Variants in ZNF623 observed in about 807,000 individuals in gnomAD.
ZNF623 encodes zinc finger protein 623.
In ZNF623, 16 loss-of-function variants were observed where a neutral mutation model predicts 24.0. That is an observed-to-expected ratio of 0.67 (90% confidence interval 0.45 to 1.01). ZNF623 has a LOEUF of 1.01. Among genes scored for constraint, ZNF623 ranks in the 50% least tolerant of loss-of-function variants. The pLI, the probability that ZNF623 is intolerant of heterozygous loss-of-function variation, is 0.00. For synonymous variants in ZNF623, 224 were observed against 219.8 expected (o/e 1.02, Z -0.17); for missense variants, 566 against 606.5 (o/e 0.93, Z 0.70).
rs887381991 is a variant in ZNF623 at position 143,652,168 on chromosome 8, G to T, written c.*685G>T. 2.4e-5 allele frequency: 4 copies of T among 167,252 alleles called. No homozygotes were observed. Among genetic ancestry groups the T allele is most frequent in the Non-Finnish European group, 4.4e-5 (3 of 68,146 alleles). 10.4% of individuals were successfully genotyped at this position (167,252 alleles called of 1,614,324 possible). A position where few individuals can be genotyped will look rare whatever the true frequency, so the allele number is the denominator to read the frequency against. On this transcript the variant is annotated 3_prime_UTR_variant, in exon 2 of 2. Transcript: ENST00000526926. ...CAAGCCTCAGGCATCATGTCAATGG[G>T]TGTTTCCCTCAAGCTTAGTTGGCAG...
chr8:143,640,058 C>G (rs941558656), intron 1 of ZNF623, among the ~76,000 whole-genome samples: 1 of 152,194 alleles, frequency 6.6e-6, no homozygotes, highest in Non-Finnish European at 1.5e-5. Flanking sequence ...TCCAGTGGAC[C>G]TTTCATCCCA....
intron 1 of ZNF623, among the ~76,000 whole-genome samples, chr8:143,644,978 A>C (rs1402129542): frequency 6.6e-6 from 1 of 150,572 alleles, no homozygotes; most frequent in Admixed American, 6.6e-5. Context: ...AAAATACAAA[A>C]TTAGCTGGGT....
At chr8:143,649,345 G>A (rs1041654500) in intron 1 of ZNF623, among the ~76,000 whole-genome samples, 5 of 151,506 alleles carry the variant, frequency 3.3e-5, no homozygotes, top group East Asian at 1.9e-4. Context: ...ACACAACCTC[G>A]TTTTAACCAA....
Position 143,650,010 on chromosome 8 carries a change from C to T in ZNF623, c.18C>T (p.Pro6=), listed in dbSNP as rs202019955. Residue 6 remains proline, a synonymous_variant, in exon 2 of 2, where the codon CCC becomes CCT. Transcript: ENST00000526926. The surrounding 1 kb of genome is among the most constrained non-coding windows in gnomAD (Gnocchi z 5.2). MELPS[P]ESEEVHEPRL... is the part of the protein sequence containing the mutation. ...TCACGGTGATGGAGCTCCCCTCTCC[C>T]GAGTCTGAGGAAGTCCACGAGCCCA... is the stretch of plus-strand genomic sequence containing the variant. 43 of 1,614,016 alleles carry T rather than the reference C, an allele frequency of 2.7e-5. No homozygotes were observed. Among genetic ancestry groups the T allele is most frequent in the Non-Finnish European group, 3.3e-5 (39 of 1,180,030 alleles).
chr8:143,650,306 A>C lies in ZNF623; in HGVS notation c.314A>C (p.His105Pro). 1 of 1,614,226 alleles carries C rather than the reference A, an allele frequency of 6.2e-7. No homozygotes were observed. Among genetic ancestry groups the C allele is most frequent in the Non-Finnish European group, 8.5e-7 (1 of 1,180,038 alleles). ...NSDLVRHRIS[H>P]AGEKPYTCDQ... ...GACCTAGTTAGGCATCGGATTTCGC[A>C]TGCTGGGGAGAAACCTTACACGTGC... Residue 105 changes from histidine (H) to proline (P), a missense_variant, in exon 2 of 2, where the codon CAT becomes CCT. Coordinates refer to ENST00000526926, the MANE Select transcript of ZNF623 (RefSeq NM_001261843.2). This position sits in a 1 kb window ranked among gnomAD's most constrained non-coding sequence, Gnocchi z 5.2.
intron 1 of ZNF623, among the ~76,000 whole-genome samples, chr8:143,645,337 C>G (rs969467804): frequency 1.3e-5 from 2 of 150,728 alleles, no homozygotes; most frequent in Non-Finnish European, 2.9e-5. Flanking sequence ...AGTTGCTCGG[C>G]AGGAGAATGG....
intron 1 of ZNF623, among the ~76,000 whole-genome samples, chr8:143,641,442 GTTTT>G (rs1156729366): frequency 5.0e-3 from 50 of 10,060 alleles, no homozygotes; most frequent in African/African-American, 7.9e-3. Context: ...AGTGAGTAGT[GTTTT>G]TTTTTTTTTT....
Position 143,645,882 on chromosome 8 carries a change from C to T in ZNF623, c.-95-4016C>T, listed in dbSNP as rs186264102. ...TTAAAATAAGTGGGTAAATAATTAT[C>T]TTGTTTTTCTTAATTTTTTTTTTTA... On this transcript the variant is annotated intron_variant, in intron 1 of 1. Coordinates refer to ENST00000526926, the MANE Select transcript of ZNF623 (RefSeq NM_001261843.2). 5.0e-3 allele frequency among the ~76,000 whole-genome samples: 602 copies of T among 120,544 alleles called. 7 individuals are homozygous for T. Among genetic ancestry groups the T allele is most frequent in the Admixed American group, 8.4e-3 (108 of 12,898 alleles). 79.1% of individuals were successfully genotyped at this position (120,544 alleles called of 152,430 possible). A position where few individuals can be genotyped will look rare whatever the true frequency, so the allele number is the denominator to read the frequency against.
rs563462812 is a variant in ZNF623 at position 143,638,320 on chromosome 8, G to A, written c.-96+2175G>A. ...CATGCCATTGCACTCCAGCCTGGGCGACAGAGTGAGATTCCGTCTTAAAAA... is the reference window on the plus strand; with the variant it reads ...CATGCCATTGCACTCCAGCCTGGGCAACAGAGTGAGATTCCGTCTTAAAAA... On this transcript the variant is annotated intron_variant, in intron 1 of 1. Coordinates refer to ENST00000526926, the MANE Select transcript of ZNF623 (RefSeq NM_001261843.2). Among the ~76,000 whole-genome samples the A allele has an allele frequency of 1.6e-4, 22 of 136,258 alleles. 1 individual carries two copies. In the Admixed American group the frequency reaches 1.7e-3, roughly 11 times the overall value. The allele number at this position is 136,258 out of a possible 152,430, so 89.4% of individuals were successfully genotyped here.
rs142136699 is a variant in ZNF623, at chr8:143,639,761, G to A, written c.-96+3616G>A. On this transcript the variant is annotated intron_variant, in intron 1 of 1. Coordinates refer to ENST00000526926, the MANE Select transcript of ZNF623 (RefSeq NM_001261843.2). Reference sequence around the variant, plus strand: ...AGTTGCTGTAACAGATTCAAATACGGTGTTTCAAATAAGAAACTTGAGTTG... The same window carrying A: ...AGTTGCTGTAACAGATTCAAATACGATGTTTCAAATAAGAAACTTGAGTTG... Among the ~76,000 whole-genome samples, 6 of 152,334 alleles carry A rather than the reference G, an allele frequency of 3.9e-5. No individual in the cohort carries two copies. The East Asian group carries it at 1.2e-3, about 29-fold the overall frequency.
chr8:143,649,294 AAAC>A (rs1815240672), intron 1 of ZNF623, among the ~76,000 whole-genome samples: 14 of 129,376 alleles, frequency 1.1e-4, no homozygotes, highest in Middle Eastern at 3.5e-3. Context: ...AAAAAAACAA[AAAC>A]AAACAAAAAA....
At position 143,652,962 on chromosome 8, in the gene ZNF623, G is replaced by A. The variant is rs1370713506; in HGVS notation, c.*1479G>A. ...TCACAGTAGGGTGAGTTAAGTATGTGCCCTCAGGTGTGAAGGAGCACAGGT... is the reference window on the plus strand; with the variant it reads ...TCACAGTAGGGTGAGTTAAGTATGTACCCTCAGGTGTGAAGGAGCACAGGT... On this transcript the variant is annotated 3_prime_UTR_variant, in exon 2 of 2. Transcript: ENST00000526926. 1 of 167,154 alleles carries A rather than the reference G, an allele frequency of 6.0e-6. No homozygotes were observed. Among genetic ancestry groups the A allele is most frequent in the African/African-American group, 2.4e-5 (1 of 41,460 alleles). The allele number at this position is 167,154 out of a possible 1,614,324, so 10.4% of individuals were successfully genotyped here.
chr8:143,649,703 A>G, intron 1 of ZNF623, 195 bp from the exon 2 acceptor site: 1 of 626,760 alleles, frequency 1.6e-6, no homozygotes, highest in Non-Finnish European at 2.8e-6. Flanking sequence ...TTAAAAGTGG[A>G]GCCACAAAGA....
At chr8:143,640,727 G>A (rs1815029155) in intron 1 of ZNF623, among the ~76,000 whole-genome samples, 1 of 152,016 alleles carries the variant, frequency 6.6e-6, no homozygotes, top group African/African-American at 2.4e-5. Context: ...GATCACCTGA[G>A]GTCAGGAGTT....
chr8:143,649,893 T>G lies in ZNF623; in HGVS notation c.-95-5T>G, dbSNP rs914199511. The G allele has an allele frequency of 5.0e-6, 8 of 1,602,172 alleles. No homozygotes were observed. Among genetic ancestry groups the G allele is most frequent in the Non-Finnish European group, 6.8e-6 (8 of 1,171,418 alleles). The stretch of plus-strand genomic sequence containing the variant: ...GAAAGATGATTTTGTTGTCTTTTGT[T>G]TCAGATTCTAATGTAGGAACTGGTG... On this transcript the variant is annotated splice_region_variant and splice_polypyrimidine_tract_variant and intron_variant, in intron 1 of 1. Coordinates refer to ENST00000526926, the MANE Select transcript of ZNF623 (RefSeq NM_001261843.2).
intron 1 of ZNF623, among the ~76,000 whole-genome samples, chr8:143,645,867 T>G (rs528926723): frequency 1.3e-5 from 2 of 148,878 alleles, no homozygotes; most frequent in Admixed American, 1.3e-4. Flanking sequence ...TTAAAATAAG[T>G]GGGTAAATAA....
At chr8:143,636,196 G>C (rs1814915004) in intron 1 of ZNF623, 51 bp downstream of exon 1, 1 of 152,170 alleles carries the variant, frequency 6.6e-6, no homozygotes, top group Non-Finnish European at 1.5e-5. Flanking sequence ...CCGCAGCCCC[G>C]GCTGGCTCCG....
chr8:143,646,538 G>GGT lies in ZNF623; in HGVS notation c.-95-3354_-95-3353dup, dbSNP rs1554605066. Among the ~76,000 whole-genome samples the GGT allele has an allele frequency of 1.3e-4, 16 of 122,992 alleles. No individual in the cohort carries two copies. In the East Asian group the frequency reaches 1.5e-3, roughly 11 times the overall value. The allele number at this position is 122,992 out of a possible 152,430, so 80.7% of individuals were successfully genotyped here. A position where few individuals can be genotyped will look rare whatever the true frequency, so the allele number is the denominator to read the frequency against. On this transcript the variant is annotated intron_variant, in intron 1 of 1. Coordinates refer to ENST00000526926, the MANE Select transcript of ZNF623 (RefSeq NM_001261843.2). ...AAAACACATAGTTTGTTGCCTGTGG[G>GGT]GTGTGTGCGTGTGTGTGTGTGTGTG...
In ZNF623 at chr8:143,650,953, A is replaced by G. The variant is rs950625160; in HGVS notation, c.961A>G (p.Asn321Asp). The G allele has an allele frequency of 1.2e-5, 20 of 1,613,614 alleles. No homozygotes were observed. Among genetic ancestry groups the G allele is most frequent in the Non-Finnish European group, 1.6e-5 (19 of 1,179,958 alleles). ...ECGKRFSQTSNFTQHQRIHTG... is the reference protein window; with the variant it reads ...ECGKRFSQTSDFTQHQRIHTG... Reference sequence around the variant, plus strand: ...TGGGAAGCGCTTCAGCCAGACGTCAAACTTCACCCAGCATCAGAGAATTCA... The same window carrying G: ...TGGGAAGCGCTTCAGCCAGACGTCAGACTTCACCCAGCATCAGAGAATTCA... The change falls in exon 2 of 2, where the codon AAC becomes GAC. Residue 321 changes from asparagine (N) to aspartate (D), a missense_variant. Physicochemically the swap from Asn to Asp is conservative, Grantham distance 23. Around this residue, in one of 3 missense-constraint regions of ZNF623, gnomAD observed 117 missense variants for 174.2 expected, o/e 0.67. Transcript: ENST00000526926. This position sits in a 1 kb window ranked among gnomAD's most constrained non-coding sequence, Gnocchi z 5.2.
Sources: gnomAD v4.1 joint callset for allele counts (sites outside exome capture counted in the v4.1 genomes callset) on GRCh38, gnomAD v4.1.1 for gene constraint, gnomAD v4.1.1 regional missense constraint, Gnocchi (gnomAD v3.1) non-coding constraint, MANE v1.5 for transcripts, NCBI Gene and HGNC (gene_info 2026-07-23, HGNC 2026-07-21) for gene names.